SUN3: variants seen among roughly 807,000 people sequenced by gnomAD.
SUN3 encodes Sad1 and UNC84 domain containing 3, also known as SUN domain-containing protein 3.
Under a neutral mutation model 48.2 loss-of-function variants are expected in SUN3, and 36 were observed. The ratio of observed to expected loss-of-function variants is 0.75; its 90% CI spans 0.57 to 0.99. SUN3 has a LOEUF of 0.99. SUN3 is among the 50% of genes least tolerant of loss of function. The pLI, the probability that SUN3 is intolerant of heterozygous loss-of-function variation, is 0.00. For synonymous variants in SUN3, 148 were observed against 147.9 expected, an observed-to-expected ratio of 1.00 and a Z score of 0.00; for missense variants, 419 against 433.1, an observed-to-expected ratio of 0.97 and a Z score of 0.29.
chr7:48,010,997 T>TCTTCTCCTCTCTGTGTCTCTC (rs539849184), intron 3 of SUN3, among the ~76,000 whole-genome samples: 2,268 of 152,266 alleles, frequency 0.015, 22 homozygotes, highest in East Asian at 0.038. Flanking sequence ...CGTGGTCTCT[T>TCTTCTCCTCTCTGTGTCTCTC]CTTCTCCTCT....
chr7:48,033,879 C>T (rs186479839), upstream of SUN3, among the ~76,000 whole-genome samples: 1 of 152,290 alleles, frequency 6.6e-6, no homozygotes, highest in Admixed American at 6.5e-5. Context: ...CATGGCAAAA[C>T]CCCATGTGTA....
At chr7:48,020,360 C>T (rs1206562924) in intron 2 of SUN3, among the ~76,000 whole-genome samples, 2 of 152,110 alleles carry the variant, frequency 1.3e-5, no homozygotes, top group Non-Finnish European at 2.9e-5. Context: ...GCTGGTATCA[C>T]ACTGAATGGG....
chr7:48,011,048 G>C (rs1172870583), intron 3 of SUN3, among the ~76,000 whole-genome samples: 2 of 151,474 alleles, frequency 1.3e-5, no homozygotes, highest in Non-Finnish European at 3.0e-5. Flanking sequence ...AGAGATCCCT[G>C]TCATTGTATT....
At chr7:48,025,780 T>C in intron 2 of SUN3, 97 bp downstream of exon 2, 1 of 789,392 alleles carries the variant, frequency 1.3e-6, no homozygotes, top group Admixed American at 2.8e-5. Context: ...TTCCGTGGCA[T>C]TTATTTACAA....
chr7:47,996,210 G>A, intron 6 of SUN3, 64 bp from the exon 7 acceptor site: 1 of 913,440 alleles, frequency 1.1e-6, no homozygotes, highest in Non-Finnish European at 1.7e-6. Flanking sequence ...CACATCATTT[G>A]AATTTTAACA....
At chr7:48,010,765 G>A (rs1054358984) in intron 3 of SUN3, among the ~76,000 whole-genome samples, 1 of 152,074 alleles carries the variant, frequency 6.6e-6, no homozygotes, top group Non-Finnish European at 1.5e-5. Context: ...GAGTTTCCTG[G>A]GGCTCTTGAC....
At chr7:47,991,577 G>A (rs961616689) in intron 8 of SUN3, among the ~76,000 whole-genome samples, 1 of 149,910 alleles carries the variant, frequency 6.7e-6, no homozygotes, top group Admixed American at 6.7e-5. Context: ...GGCAAAAGTG[G>A]GAGTAGACAG....
the SUN3 span, chr7:48,035,724 C>T: frequency 5.1e-6 from 3 of 586,892 alleles, no homozygotes; most frequent in Non-Finnish European, 9.1e-6. This position sits in a 1 kb window ranked among gnomAD's most constrained non-coding sequence, Gnocchi z 4.0. Flanking sequence ...CAGTGCGCGC[C>T]GGGGCTGGAG....
chr7:47,991,222 T>C (rs1020683999), intron 8 of SUN3, among the ~76,000 whole-genome samples: 9 of 152,190 alleles, frequency 5.9e-5, no homozygotes, highest in African/African-American at 2.2e-4. Context: ...AGTCCTTTTA[T>C]CACCTTGTTT....
chr7:48,029,144 A>C, upstream of SUN3: 1 of 658,010 alleles, frequency 1.5e-6, no homozygotes, highest in South Asian at 2.0e-5. Context: ...GACACCTCAT[A>C]ATGCAGATGG....
intron 1 of SUN3, 147 bp downstream of exon 1, chr7:48,028,670 C>T (rs1583788196): frequency 1.9e-6 from 2 of 1,025,682 alleles, no homozygotes; most frequent in East Asian, 5.1e-5. Context: ...TGAAGAGAAA[C>T]CTTCAAAGGA....
chr7:48,035,302 C>G, the SUN3 span, among the ~76,000 whole-genome samples: 1 of 152,062 alleles, frequency 6.6e-6, no homozygotes, highest in Admixed American at 6.5e-5. The surrounding 1 kb of genome is among the most constrained non-coding windows in gnomAD (Gnocchi z 4.0). Flanking sequence ...CCTGCTCCCA[C>G]CCCCGCTGCG....
intron 8 of SUN3, among the ~76,000 whole-genome samples, chr7:47,992,104 T>C (rs1789081410): frequency 6.6e-6 from 1 of 152,106 alleles, no homozygotes; most frequent in Admixed American, 6.5e-5. Flanking sequence ...ATAGCACACT[T>C]GTGACTCCCG....
intron 3 of SUN3, among the ~76,000 whole-genome samples, chr7:48,009,959 T>G (rs980114869): frequency 7.9e-5 from 12 of 152,150 alleles, no homozygotes; most frequent in African/African-American, 2.9e-4. Context: ...CTCATCCTGC[T>G]GTGTGTCTTC....
chr7:47,993,797 A>G (rs1789131217), intron 8 of SUN3, among the ~76,000 whole-genome samples: 1 of 152,216 alleles, frequency 6.6e-6, no homozygotes, highest in African/African-American at 2.4e-5. Flanking sequence ...TGTACTTTAA[A>G]TGGGTGAATT....
intron 3 of SUN3, among the ~76,000 whole-genome samples, chr7:48,012,077 A>G (rs1789698658): frequency 6.6e-6 from 1 of 152,214 alleles, no homozygotes; most frequent in South Asian, 2.1e-4. Flanking sequence ...TGGCAATGAG[A>G]TGGGGGTTCA....
the SUN3 span, chr7:48,035,754 C>T: frequency 1.7e-6 from 1 of 583,078 alleles, no homozygotes; most frequent in South Asian, 2.0e-5. The surrounding 1 kb of genome is among the most constrained non-coding windows in gnomAD (Gnocchi z 4.0). Context: ...CACCTTGTCG[C>T]CGGGTTGGGA....
At chr7:47,996,177 G>C in intron 6 of SUN3, 31 bp from the exon 7 acceptor site, 3 of 1,238,534 alleles carry the variant, frequency 2.4e-6, no homozygotes, top group Non-Finnish European at 3.5e-6. Flanking sequence ...GTAAAATAAA[G>C]AAACAACATA....
At chr7:48,025,759 C>T in intron 2 of SUN3, 118 bp downstream of exon 2, 1 of 622,582 alleles carries the variant, frequency 1.6e-6, no homozygotes, top group East Asian at 3.0e-5. Context: ...GTGCAGGTCA[C>T]CTCCAGCACT....
Sources: allele counts gnomAD v4.1 joint callset (sites outside exome capture counted in the v4.1 genomes callset), GRCh38; gene constraint gnomAD v4.1.1; non-coding constraint Gnocchi (gnomAD v3.1); transcripts MANE v1.5; gene names NCBI Gene and HGNC (gene_info 2026-07-23, HGNC 2026-07-21).